ZFYVE9: variants seen among roughly 807,000 people sequenced by gnomAD.
ZFYVE9 encodes the protein zinc finger FYVE domain-containing protein 9.
ZFYVE9 carries 43 observed loss-of-function variants against 126.7 expected under a neutral mutation model. The observed-to-expected ratio is 0.34, with a 90% CI of 0.27 to 0.44. The LOEUF (loss-of-function observed/expected upper bound fraction) is 0.44. Among genes scored for constraint, ZFYVE9 ranks in the 20% least tolerant of loss-of-function variants. The probability of loss-of-function intolerance (pLI) is 1.00; values close to 1 mark genes in which losing one functional copy is unlikely to be tolerated. For synonymous variants in ZFYVE9, 521 were observed against 597.4 expected (o/e 0.87, Z 1.87); for missense variants, 1,476 against 1,697.0 (o/e 0.87, Z 2.29).
At position 52,344,809 on chromosome 1, in the gene ZFYVE9, T is replaced by C. The variant is rs1307927815; in HGVS notation, c.3981T>C (p.Ser1327=). ...LENDDQHNCL[S]DPADHSRLTE... The stretch of plus-strand genomic sequence containing the variant: ...ACGATGACCAGCACAATTGCCTCAG[T>C]GATCCTGCAGATCACAGTAGATTGA... Residue 1327 remains serine (S), a synonymous_variant, in exon 18 of 19, where the codon AGT becomes AGC. Transcript: ENST00000287727. 6 of 1,614,176 alleles carry C rather than the reference T, an allele frequency of 3.7e-6. No homozygotes were observed. The highest frequency in any genetic ancestry group is 5.1e-6 in the Non-Finnish European group (6 of 1,180,010).
intron 1 of ZFYVE9, among the ~76,000 whole-genome samples, chr1:52,176,235 G>A (rs1644627139): frequency 6.6e-6 from 1 of 152,200 alleles, no homozygotes; most frequent in South Asian, 2.1e-4. Context: ...TCAGCTGCAG[G>A]TCTGTTGGAG....
At chr1:52,166,490 T>TTA (rs965091434) in intron 1 of ZFYVE9, among the ~76,000 whole-genome samples, 3 of 152,226 alleles carry the variant, frequency 2.0e-5, no homozygotes, top group African/African-American at 7.2e-5. Flanking sequence ...TAAACTCTAT[T>TTA]GAGTGTTTAA....
Position 52,268,521 on chromosome 1 carries a change from A to G in ZFYVE9, c.2514A>G (p.Gly838=), listed in dbSNP as rs1645655394. 10 of 1,614,192 alleles carry G rather than the reference A, an allele frequency of 6.2e-6. No homozygotes were observed. The highest frequency in any genetic ancestry group is 8.5e-6 in the Non-Finnish European group (10 of 1,180,016). Reference sequence around the variant, plus strand: ...TTGCTGATGGGATCTTGCCCAATGGAGAAGTTGCTGATGCAGCCAAATTAA... The same window carrying G: ...TTGCTGATGGGATCTTGCCCAATGGGGAAGTTGCTGATGCAGCCAAATTAA... ...VWFADGILPN[G]EVADAAKLTM... Residue 838 remains glycine (G), a synonymous_variant, in exon 7 of 19, where the codon GGA becomes GGG. Transcript: ENST00000287727.
intron 2 of ZFYVE9, among the ~76,000 whole-genome samples, chr1:52,224,510 C>T (rs80073045): frequency 0.026 from 4,024 of 152,238 alleles, 116 homozygotes; most frequent in Admixed American, 0.089. Context: ...CATAGAGCAT[C>T]ATCTGTCTCC....
At chr1:52,311,999 C>T (rs952227864) in intron 13 of ZFYVE9, among the ~76,000 whole-genome samples, 2 of 152,036 alleles carry the variant, frequency 1.3e-5, no homozygotes, top group African/African-American at 4.8e-5. Flanking sequence ...CTGTGTTGGC[C>T]AGGCTGGTCT....
chr1:52,248,991 G>C (rs760888413), intron 4 of ZFYVE9, among the ~76,000 whole-genome samples: 1 of 152,190 alleles, frequency 6.6e-6, no homozygotes. Context: ...GGCCTGGTAG[G>C]AGGTGATTGA....
intron 8 of ZFYVE9, 25 bp from the exon 9 acceptor site, chr1:52,278,467 A>C: frequency 6.2e-7 from 1 of 1,613,868 alleles, no homozygotes; most frequent in Non-Finnish European, 8.5e-7. Context: ...TAACCAATCT[A>C]TTACATTGTT....
chr1:52,304,345 C>A (rs1207163765), intron 13 of ZFYVE9, among the ~76,000 whole-genome samples: 1 of 151,972 alleles, frequency 6.6e-6, no homozygotes, highest in Admixed American at 6.6e-5. Flanking sequence ...TCACTGCAAC[C>A]TCTGCCTCCT....
chr1:52,272,819 G>C (rs745459555), intron 7 of ZFYVE9, among the ~76,000 whole-genome samples: 31 of 151,608 alleles, frequency 2.0e-4, no homozygotes, highest in Non-Finnish European at 3.4e-4. Flanking sequence ...ACAGGCACAC[G>C]CCCAGCTAAT....
chr1:52,275,094 A>G (rs1371244179), intron 8 of ZFYVE9, among the ~76,000 whole-genome samples: 1 of 152,186 alleles, frequency 6.6e-6, no homozygotes, highest in Non-Finnish European at 1.5e-5. Flanking sequence ...TTTTATTTTT[A>G]TAATTTTAAC....
rs199918282 is a variant in ZFYVE9 at position 52,238,164 on chromosome 1, C to T, written c.747C>T (p.Asp249=). The change falls in exon 4 of 19, where the codon GAC becomes GAT. Residue 249 remains aspartate (D), a synonymous_variant. Coordinates refer to ENST00000287727, the MANE Select transcript of ZFYVE9 (RefSeq NM_004799.4). Reference sequence around the variant, plus strand: ...GTTCCCCTTCACAATTAAAGGATGACGGAAGTATAGGTAGAGACCCCTCCA... The same window carrying T: ...GTTCCCCTTCACAATTAAAGGATGATGGAAGTATAGGTAGAGACCCCTCCA... ...SVCSPSQLKD[D]GSIGRDPSMS... 89 of 1,614,016 alleles carry T rather than the reference C, an allele frequency of 5.5e-5. No homozygotes were observed. In the Middle Eastern group the frequency reaches 6.6e-4, roughly 12 times the overall value.
chr1:52,251,714 G>T (rs1645449120), intron 4 of ZFYVE9, among the ~76,000 whole-genome samples: 1 of 152,160 alleles, frequency 6.6e-6, no homozygotes, highest in Non-Finnish European at 1.5e-5. Context: ...TTCACAGAAG[G>T]AGTTAGGAAG....
chr1:52,186,966 AT>A (rs750127857), intron 1 of ZFYVE9, among the ~76,000 whole-genome samples: 4 of 152,146 alleles, frequency 2.6e-5, no homozygotes, highest in East Asian at 1.9e-4. Flanking sequence ...CTAGAAAAAA[AT>A]ATTTTAAAAT....
chr1:52,256,156 C>T (rs1052891648), intron 4 of ZFYVE9, among the ~76,000 whole-genome samples: 4 of 151,700 alleles, frequency 2.6e-5, no homozygotes, highest in African/African-American at 9.7e-5. Flanking sequence ...GTCTCCACCT[C>T]CTGGGTTCAA....
intron 1 of ZFYVE9, among the ~76,000 whole-genome samples, chr1:52,200,829 C>G (rs975761816): frequency 6.6e-6 from 1 of 152,038 alleles, no homozygotes; most frequent in South Asian, 2.1e-4. Context: ...GTGTCTTTTT[C>G]TGGCCTCTCT....
Position 52,180,418 on chromosome 1 carries a change from A to C in ZFYVE9, c.-142-35951A>C, listed in dbSNP as rs142395064. ...ATTAACCTGACAAGAGATGAGTTGC[A>C]GTGAAAACTGTCTGAATCTGGAGCA... On this transcript the variant is annotated intron_variant, in intron 1 of 18. Transcript: ENST00000287727. 1.1e-4 allele frequency: 164 copies of C among 1,463,056 alleles called. 2 individuals are homozygous for C. The East Asian group carries it at 3.7e-3, about 33-fold the overall frequency. 90.6% of individuals were successfully genotyped at this position (1,463,056 alleles called of 1,614,324 possible). A position where few individuals can be genotyped will look rare whatever the true frequency, so the allele number is the denominator to read the frequency against.
intron 1 of ZFYVE9, among the ~76,000 whole-genome samples, chr1:52,197,270 G>A (rs1355706325): frequency 6.6e-6 from 1 of 152,110 alleles, no homozygotes; most frequent in Non-Finnish European, 1.5e-5. Context: ...AATTACTATA[G>A]CGTGAACAAC....
At chr1:52,336,443 C>A (rs1398956799) in intron 15 of ZFYVE9, among the ~76,000 whole-genome samples, 2 of 143,288 alleles carry the variant, frequency 1.4e-5, no homozygotes, top group Non-Finnish European at 3.0e-5. Flanking sequence ...TGGCTCACTG[C>A]AACTTCTACC....
At chr1:52,203,465 G>A (rs916602314) in intron 1 of ZFYVE9, among the ~76,000 whole-genome samples, 4 of 45,710 alleles carry the variant, frequency 8.8e-5, no homozygotes, top group South Asian at 9.8e-4. Context: ...TTACAGACCC[G>A]TCTTTTTTTT....
Sources: gnomAD v4.1 joint callset for allele counts (sites outside exome capture counted in the v4.1 genomes callset) on GRCh38, gnomAD v4.1.1 for gene constraint, MANE v1.5 for transcripts, NCBI Gene and HGNC (gene_info 2026-07-23, HGNC 2026-07-21) for gene names.